Variants in KCNB2 observed in about 807,000 individuals in gnomAD.
The protein encoded by KCNB2 is delayed rectifier potassium channel protein.
KCNB2 carries 15 observed loss-of-function variants against 61.5 expected under a neutral mutation model. The observed-to-expected ratio is 0.24, with a 90% CI of 0.16 to 0.38. The LOEUF (loss-of-function observed/expected upper bound fraction) is 0.38, where lower values mean the gene tolerates loss of function less well. Among genes scored for constraint, KCNB2 ranks in the 10% least tolerant of loss-of-function variants. The probability of loss-of-function intolerance (pLI) is 1.00; values close to 1 mark genes in which losing one functional copy is unlikely to be tolerated. For missense variants in KCNB2, 828 were observed against 1,125.2 expected (o/e 0.74, Z 3.78); for synonymous variants, 457 against 446.0 (o/e 1.02, Z -0.31).
chr8:72,936,545 T>C lies in KCNB2; in HGVS notation c.1190T>C (p.Val397Ala). 6.2e-7 allele frequency: 1 copy of C among 1,614,210 alleles called. No individual in the cohort carries two copies. The highest frequency in any genetic ancestry group is 8.5e-7 in the Non-Finnish European group (1 of 1,180,032). The stretch of plus-strand genomic sequence containing the variant: ...CCTAAAACATTACTAGGGAAAATTG[T>C]GGGAGGTCTGTGCTGTATTGCTGGG... ...IYPKTLLGKI[V>A]GGLCCIAGVL... The change falls in exon 3 of 3, where the codon GTG (valine) becomes GCG (alanine). Residue 397 changes from valine (V) to alanine (A), a missense_variant. Coordinates refer to ENST00000523207, the MANE Select transcript of KCNB2 (RefSeq NM_004770.3). This position sits in a 1 kb window ranked among gnomAD's most constrained non-coding sequence, Gnocchi z 5.6.
chr8:72,882,520 T>TGAGAAAGAGAGA (rs1805730244), intron 2 of KCNB2, among the ~76,000 whole-genome samples: 1 of 115,362 alleles, frequency 8.7e-6, no homozygotes, highest in Non-Finnish European at 1.8e-5. Context: ...TGCTGACAGT[T>TGAGAAAGAGAGA]GAGAGAGAGA....
intron 2 of KCNB2, among the ~76,000 whole-genome samples, chr8:72,621,013 T>C (rs1247821737): frequency 6.6e-6 from 1 of 152,210 alleles, no homozygotes; most frequent in African/African-American, 2.4e-5. Context: ...TTTTTGTTTT[T>C]CTGTGAAACC....
At chr8:72,756,056 C>T (rs1808284984) in intron 2 of KCNB2, among the ~76,000 whole-genome samples, 2 of 152,180 alleles carry the variant, frequency 1.3e-5, no homozygotes, top group African/African-American at 4.8e-5. Context: ...ACAAGTGGAT[C>T]AGTCGAGAAG....
intron 2 of KCNB2, among the ~76,000 whole-genome samples, chr8:72,730,584 T>C (rs1442692121): frequency 6.6e-6 from 1 of 152,210 alleles, no homozygotes. Flanking sequence ...TTTTTTCATT[T>C]TCCCTTTTTA....
Position 72,799,860 on chromosome 8 carries a change from AGCCCT to A in KCNB2, c.580-136073_580-136069del, listed in dbSNP as rs1338131640. Among the ~76,000 whole-genome samples the A allele has an allele frequency of 8.5e-5, 13 of 152,126 alleles. 1 individual carries two copies. The highest frequency in any genetic ancestry group is 1.5e-4 in the Non-Finnish European group (10 of 68,036). ...CTAGGAAGAGGCTGTGTTCAATATG[AGCCCT>A]GAAGGATAAGAGATTTTCAGTCCTG... On this transcript the variant is annotated intron_variant, in intron 2 of 2. Coordinates refer to ENST00000523207, the MANE Select transcript of KCNB2 (RefSeq NM_004770.3).
intron 2 of KCNB2, among the ~76,000 whole-genome samples, chr8:72,725,596 T>TATATAG (rs1807632966): frequency 1.0e-5 from 1 of 98,972 alleles, no homozygotes; most frequent in African/African-American, 4.3e-5. Flanking sequence ...TGTATGTATA[T>TATATAG]ATATATATAT....
chr8:72,624,269 G>A (rs796869770), intron 2 of KCNB2, among the ~76,000 whole-genome samples: 8 of 152,262 alleles, frequency 5.3e-5, no homozygotes, highest in East Asian at 1.9e-4. Flanking sequence ...TGGATAGTTC[G>A]GGTAGAAAAC....
chr8:72,937,165 G>C lies in KCNB2; in HGVS notation c.1810G>C (p.Asp604His). 6.2e-7 allele frequency: 1 copy of C among 1,614,074 alleles called. No homozygotes were observed. Among genetic ancestry groups the C allele is most frequent in the Non-Finnish European group, 8.5e-7 (1 of 1,180,018 alleles). The change falls in exon 3 of 3, where the codon GAC (aspartate) becomes CAC (histidine). Residue 604 changes from aspartate to histidine, a missense_variant. By Grantham distance (81) the Asp-to-His change is moderately conservative. Coordinates refer to ENST00000523207, the MANE Select transcript of KCNB2 (RefSeq NM_004770.3). ...GGACATGAAGAGCACCTCCAGCATCGACAGCTTCACCAGCTGTGCCACCGA... is the reference window on the plus strand; with the variant it reads ...GGACATGAAGAGCACCTCCAGCATCCACAGCTTCACCAGCTGTGCCACCGA... ...IVDMKSTSSI[D>H]SFTSCATDFT...
In KCNB2 at chr8:72,643,823, T is replaced by G. The variant is rs573468284; in HGVS notation, c.579+75510T>G. On this transcript the variant is annotated intron_variant, in intron 2 of 2. Transcript: ENST00000523207. ...TTTCTCTTTGCTCTGAGCAAAGGCT[T>G]GTAGAGAAAAGTTGTAAGGAAAACA... 3.3e-5 allele frequency among the ~76,000 whole-genome samples: 5 copies of G among 152,186 alleles called. 1 individual carries two copies. Among genetic ancestry groups the G allele is most frequent in the African/African-American group, 1.2e-4 (5 of 41,534 alleles).
rs1808962491 is a variant in KCNB2 at position 72,792,537 on chromosome 8, G to A, written c.580-143398G>A. On this transcript the variant is annotated intron_variant, in intron 2 of 2. Coordinates refer to ENST00000523207, the MANE Select transcript of KCNB2 (RefSeq NM_004770.3). ...CCAGGCCAAATTGTATTGACCGTCAGTGGCATTTAAACTGGTTGCATGGTA... is the reference window on the plus strand; with the variant it reads ...CCAGGCCAAATTGTATTGACCGTCAATGGCATTTAAACTGGTTGCATGGTA... 5.9e-5 allele frequency among the ~76,000 whole-genome samples: 9 copies of A among 152,298 alleles called. No individual in the cohort carries two copies. In the South Asian group the frequency reaches 1.7e-3, roughly 28 times the overall value.
At chr8:72,924,752 G>A (rs1351045816) in intron 2 of KCNB2, among the ~76,000 whole-genome samples, 1 of 152,144 alleles carries the variant, frequency 6.6e-6, no homozygotes, top group Non-Finnish European at 1.5e-5. Context: ...TGCCCAAACA[G>A]TCTAAATAAG....
At chr8:72,899,037 A>G (rs987854653) in intron 2 of KCNB2, among the ~76,000 whole-genome samples, 12 of 152,064 alleles carry the variant, frequency 7.9e-5, no homozygotes, top group Admixed American at 6.6e-5. Context: ...TATCCAATCC[A>G]CCATTGATGG....
intron 2 of KCNB2, among the ~76,000 whole-genome samples, chr8:72,900,262 A>G (rs1806066268): frequency 6.6e-6 from 1 of 152,226 alleles, no homozygotes; most frequent in Admixed American, 6.5e-5. Context: ...TCCCTATTCA[A>G]TAAATGTTTC....
chr8:72,563,781 G>C (rs1404502184), intron 1 of KCNB2, among the ~76,000 whole-genome samples: 1 of 152,136 alleles, frequency 6.6e-6, no homozygotes. Context: ...TATTCTGAAG[G>C]CTTGATTAAC....
At chr8:72,694,773 A>T (rs72668184) in intron 2 of KCNB2, among the ~76,000 whole-genome samples, 3,514 of 152,048 alleles carry the variant, frequency 0.023, 67 homozygotes, top group Non-Finnish European at 0.038. Context: ...CTGTATGGCC[A>T]TCTTTTTCTC....
At chr8:72,842,809 AT>A (rs1341629733) in intron 2 of KCNB2, among the ~76,000 whole-genome samples, 4 of 151,878 alleles carry the variant, frequency 2.6e-5, no homozygotes, top group Non-Finnish European at 5.9e-5. Context: ...TATTGTGTCT[AT>A]TTGATTCTTC....
At chr8:72,703,923 G>A (rs866923852) in intron 2 of KCNB2, among the ~76,000 whole-genome samples, 1 of 152,200 alleles carries the variant, frequency 6.6e-6, no homozygotes, top group Non-Finnish European at 1.5e-5. Context: ...TTCACTGTTA[G>A]TAGTATGTTG....
At chr8:72,644,011 G>A (rs1386878547) in intron 2 of KCNB2, among the ~76,000 whole-genome samples, 2 of 152,034 alleles carry the variant, frequency 1.3e-5, no homozygotes, top group Non-Finnish European at 2.9e-5. Context: ...GCAACATCTG[G>A]GAAAAGAATG....
At chr8:72,717,751 G>A (rs1199392229) in intron 2 of KCNB2, among the ~76,000 whole-genome samples, 1 of 152,088 alleles carries the variant, frequency 6.6e-6, no homozygotes, top group Non-Finnish European at 1.5e-5. Flanking sequence ...ACATAGGCAT[G>A]GGCAAGGACT....
Sources: gnomAD v4.1 joint callset for allele counts (sites outside exome capture counted in the v4.1 genomes callset) on GRCh38, gnomAD v4.1.1 for gene constraint, Gnocchi (gnomAD v3.1) non-coding constraint, MANE v1.5 for transcripts, NCBI Gene and HGNC (gene_info 2026-07-23, HGNC 2026-07-21) for gene names.